Variants in NUGGC observed in about 807,000 individuals in gnomAD.
NUGGC encodes the protein nuclear GTPase SLIP-GC.
In NUGGC, 58 loss-of-function variants were observed where a neutral mutation model predicts 92.6. The observed-to-expected ratio is 0.63, with a 90% CI of 0.51 to 0.78. The LOEUF is 0.78. Ranked by LOEUF, NUGGC falls within the 30% of genes least tolerant of loss-of-function variation. The pLI, the probability that NUGGC is intolerant of heterozygous loss-of-function variation, is 0.00. For missense variants in NUGGC, 925 were observed against 964.6 expected (o/e 0.96, Z 0.54); for synonymous variants, 376 against 366.4 (o/e 1.03, Z -0.30).
intron 13 of NUGGC, 112 bp from the exon 14 acceptor site, chr8:28,033,809 A>C (rs1024932543): frequency 6.5e-6 from 6 of 916,100 alleles, no homozygotes; most frequent in Admixed American, 4.7e-5. Flanking sequence ...GAAAGTGTAG[A>C]GACAACATGC....
At chr8:28,060,362 A>G in intron 8 of NUGGC, 64 bp downstream of exon 8, 1 of 1,452,210 alleles carries the variant, frequency 6.9e-7, no homozygotes, top group Non-Finnish European at 9.6e-7. Context: ...ATGCTACTGT[A>G]GTCAGGACCC....
intron 18 of NUGGC, among the ~76,000 whole-genome samples, chr8:28,025,612 G>A (rs1418719727): frequency 7.1e-6 from 1 of 140,384 alleles, no homozygotes; most frequent in African/African-American, 2.7e-5. Flanking sequence ...ATAGTGTGAG[G>A]GTGTTGTATC....
At chr8:28,073,594 G>A (rs772448609) in intron 2 of NUGGC, among the ~76,000 whole-genome samples, 4 of 152,114 alleles carry the variant, frequency 2.6e-5, no homozygotes, top group African/African-American at 9.7e-5. Flanking sequence ...GTCCTATAGG[G>A]AAGCCTCCCT....
chr8:28,082,369 C>T (rs528253730), intron 1 of NUGGC, among the ~76,000 whole-genome samples: 1 of 152,108 alleles, frequency 6.6e-6, no homozygotes, highest in East Asian at 1.9e-4. Context: ...CAGATTCTAG[C>T]GAAACGAATT....
intron 1 of NUGGC, among the ~76,000 whole-genome samples, chr8:28,081,383 C>G (rs182209426): frequency 6.6e-6 from 1 of 152,072 alleles, no homozygotes; most frequent in East Asian, 1.9e-4. Context: ...TGCAAAATTG[C>G]TCTGCAGGCA....
intron 10 of NUGGC, 81 bp downstream of exon 10, chr8:28,055,884 C>A: frequency 2.6e-6 from 2 of 758,402 alleles, no homozygotes; most frequent in South Asian, 1.8e-5. Context: ...CTTGCAACTA[C>A]ACAATACCAG....
Position 28,023,069 on chromosome 8 carries a change from C to CAAAAA in NUGGC, c.*243_*247dup. 8.8e-6 allele frequency: 2 copies of CAAAAA among 226,630 alleles called. No individual in the cohort carries two copies. The highest frequency in any genetic ancestry group is 6.2e-5 in the Admixed American group (1 of 16,116). 14.0% of individuals were successfully genotyped at this position (226,630 alleles called of 1,614,324 possible). ...TGGGTGACACAGCGAGACTCTGTCT[C>CAAAAA]AAAAAAAAAAAAAAAAAAATTACCC... On this transcript the variant is annotated 3_prime_UTR_variant, in exon 19 of 19. Coordinates refer to ENST00000413272, the MANE Select transcript of NUGGC (RefSeq NM_001010906.2).
intron 1 of NUGGC, among the ~76,000 whole-genome samples, chr8:28,079,963 G>C (rs1202936122): frequency 1.3e-5 from 2 of 151,806 alleles, no homozygotes; most frequent in Non-Finnish European, 2.9e-5. Flanking sequence ...TTTTGAGATG[G>C]AGTTTTTGCT....
chr8:28,076,336 T>C (rs1486279560), intron 1 of NUGGC, among the ~76,000 whole-genome samples: 4 of 152,250 alleles, frequency 2.6e-5, no homozygotes, highest in Admixed American at 6.5e-5. Flanking sequence ...TCTTGCTCTG[T>C]TGCCCAGGCT....
chr8:28,066,152 T>A (rs531863956), intron 6 of NUGGC, among the ~76,000 whole-genome samples: 2 of 152,262 alleles, frequency 1.3e-5, no homozygotes, highest in Non-Finnish European at 2.9e-5. Context: ...GATACCCTTG[T>A]GTAAGTTGCG....
At chr8:28,082,879 C>T (rs561073954) in intron 1 of NUGGC, among the ~76,000 whole-genome samples, 1 of 152,306 alleles carries the variant, frequency 6.6e-6, no homozygotes, top group South Asian at 2.1e-4. Context: ...GCACTCCAGC[C>T]TGGGTAACAG....
intron 6 of NUGGC, 77 bp downstream of exon 6, chr8:28,067,437 C>A: frequency 2.2e-6 from 2 of 905,940 alleles, no homozygotes; most frequent in Non-Finnish European, 1.8e-6. Flanking sequence ...GTACCACAAG[C>A]CCATCCCCTG....
intron 10 of NUGGC, among the ~76,000 whole-genome samples, chr8:28,054,528 T>A (rs1407225865): frequency 1.3e-5 from 2 of 152,074 alleles, no homozygotes; most frequent in Admixed American, 6.6e-5. Flanking sequence ...ATAAGTTGTA[T>A]GTTTGTACCT....
At chr8:28,068,615 T>C (rs1224646077) in intron 4 of NUGGC, among the ~76,000 whole-genome samples, 177 bp from the exon 5 acceptor site, 3 of 152,240 alleles carry the variant, frequency 2.0e-5, no homozygotes, top group African/African-American at 7.2e-5. Flanking sequence ...AGAGTTGGCC[T>C]GGGGATCAAA....
chr8:28,079,226 C>G (rs989941518), intron 1 of NUGGC, among the ~76,000 whole-genome samples: 5 of 152,088 alleles, frequency 3.3e-5, no homozygotes, highest in African/African-American at 1.2e-4. Flanking sequence ...TGTACTAGAA[C>G]AGCTGCATAT....
chr8:28,064,859 G>A (rs1810398696), intron 6 of NUGGC, 128 bp from the exon 7 acceptor site: 3 of 727,900 alleles, frequency 4.1e-6, no homozygotes, highest in Admixed American at 2.3e-5. Context: ...CAGGAGGCCT[G>A]CAATCAGGTC....
chr8:28,028,915 A>G (rs1369404310), intron 17 of NUGGC, among the ~76,000 whole-genome samples: 1 of 152,180 alleles, frequency 6.6e-6, no homozygotes, highest in Admixed American at 6.5e-5. Flanking sequence ...CCAGCTGTGC[A>G]TCTCCCTGGC....
chr8:28,032,560 T>C (rs980521752), intron 14 of NUGGC, among the ~76,000 whole-genome samples: 1 of 151,162 alleles, frequency 6.6e-6, no homozygotes, highest in Non-Finnish European at 1.5e-5. Flanking sequence ...TACTAAAAAA[T>C]ACAAAAAATT....
At chr8:28,046,920 C>T (rs1055043814) in intron 11 of NUGGC, among the ~76,000 whole-genome samples, 3 of 151,884 alleles carry the variant, frequency 2.0e-5, no homozygotes, top group Non-Finnish European at 2.9e-5. Flanking sequence ...CAACCCACCT[C>T]GACCTCCCAA....
Sources: gnomAD v4.1 joint callset for allele counts (sites outside exome capture counted in the v4.1 genomes callset) on GRCh38, gnomAD v4.1.1 for gene constraint, MANE v1.5 for transcripts, NCBI Gene and HGNC (gene_info 2026-07-23, HGNC 2026-07-21) for gene names.